Variants in UST observed in about 807,000 individuals in gnomAD.
UST encodes uronyl 2-sulfotransferase, also known as chondroitin sulfate 2-O-sulfotransferase.
UST carries 21 observed loss-of-function variants against 45.6 expected under a neutral mutation model. The ratio of observed to expected loss-of-function variants is 0.46; its 90% CI spans 0.33 to 0.66. The LOEUF is 0.66. Ranked by LOEUF, UST falls within the 30% of genes least tolerant of loss-of-function variation. UST has a pLI of 0.02. For synonymous variants in UST, 215 were observed against 200.6 expected (o/e 1.07, Z -0.61); for missense variants, 463 against 512.4 (o/e 0.90, Z 0.93).
intron 1 of UST, among the ~76,000 whole-genome samples, chr6:148,819,931 C>G (rs1309147480): frequency 6.6e-6 from 1 of 152,214 alleles, no homozygotes; most frequent in Non-Finnish European, 1.5e-5. Flanking sequence ...TACCCTTCAG[C>G]TTTTTCCACG....
intron 2 of UST, among the ~76,000 whole-genome samples, chr6:148,895,051 T>C (rs1315301091): frequency 3.3e-5 from 5 of 152,024 alleles, no homozygotes; most frequent in Non-Finnish European, 5.9e-5. Flanking sequence ...CTCTTGACCT[T>C]GTGATCCACC....
chr6:148,907,856 T>C (rs6570908), intron 2 of UST, among the ~76,000 whole-genome samples: 113,700 of 149,784 alleles, frequency 0.76, 43,814 homozygotes, highest in Non-Finnish European at 0.81. Context: ...ATAGATATTA[T>C]TTTAACAGCT....
chr6:148,884,330 G>A (rs117573040), intron 1 of UST, among the ~76,000 whole-genome samples: 2,731 of 152,252 alleles, frequency 0.018, 33 homozygotes, highest in Non-Finnish European at 0.027. Flanking sequence ...CAATGAACAG[G>A]TCACACAAGT....
Position 149,074,064 on chromosome 6 carries a change from A to G in UST, c.1169A>G (p.Asp390Gly). ...PTPLETEEPIDDEEQDDEKWL... is the reference protein window; with the variant it reads ...PTPLETEEPIGDEEQDDEKWL... ...CCACTGGAAACCGAGGAGCCAATCG[A>G]CGATGAAGAACAGGATGATGAAAAG... The change falls in exon 8 of 8, where the codon GAC (aspartate) becomes GGC (glycine). Residue 390 changes from aspartate (D) to glycine (G), a missense_variant. By Grantham distance (94) the Asp-to-Gly change is moderately conservative. Around this residue, in one of 2 missense-constraint regions of UST, gnomAD observed 287 missense variants for 374.2 expected, o/e 0.77. Coordinates refer to ENST00000367463, the MANE Select transcript of UST (RefSeq NM_005715.3). 6.2e-7 allele frequency: 1 copy of G among 1,614,240 alleles called. No homozygotes were observed. Among genetic ancestry groups the G allele is most frequent in the Non-Finnish European group, 8.5e-7 (1 of 1,180,028 alleles).
intron 1 of UST, among the ~76,000 whole-genome samples, chr6:148,848,251 G>T (rs1164141958): frequency 6.6e-6 from 1 of 152,216 alleles, no homozygotes; most frequent in African/African-American, 2.4e-5. Flanking sequence ...AGTCAAGGAA[G>T]ACAGCAGAGT....
At chr6:148,840,993 G>A (rs1378577476) in intron 1 of UST, among the ~76,000 whole-genome samples, 1 of 149,086 alleles carries the variant, frequency 6.7e-6, no homozygotes, top group Non-Finnish European at 1.5e-5. Flanking sequence ...TTCTTTGTGC[G>A]TGACCATCTC....
At chr6:148,833,687 A>G (rs1016630103) in intron 1 of UST, among the ~76,000 whole-genome samples, 2 of 152,202 alleles carry the variant, frequency 1.3e-5, no homozygotes, top group African/African-American at 4.8e-5. Context: ...AAATAGTGTC[A>G]CCTTTCCAAC....
chr6:148,833,308 C>T (rs770143181), intron 1 of UST, among the ~76,000 whole-genome samples: 4 of 152,030 alleles, frequency 2.6e-5, no homozygotes, highest in Non-Finnish European at 4.4e-5. Context: ...GGCAACACGG[C>T]GAAATCTGTC....
chr6:148,920,961 G>A (rs1005180197), intron 2 of UST, among the ~76,000 whole-genome samples: 2 of 152,196 alleles, frequency 1.3e-5, no homozygotes, highest in African/African-American at 2.4e-5. Context: ...CTCTACCAGC[G>A]AGTGTTATAG....
At chr6:149,017,726 G>A (rs904806497) in intron 5 of UST, among the ~76,000 whole-genome samples, 7 of 151,330 alleles carry the variant, frequency 4.6e-5, no homozygotes, top group South Asian at 2.1e-4. Context: ...CCAATCCCCC[G>A]TTCGTGAACA....
intron 5 of UST, among the ~76,000 whole-genome samples, 161 bp from the exon 6 acceptor site, chr6:149,018,978 G>A (rs1180417697): frequency 6.6e-6 from 1 of 152,110 alleles, no homozygotes; most frequent in Non-Finnish European, 1.5e-5. Context: ...GCAGGATGCT[G>A]GGAGGCAAAA....
At chr6:149,023,612 C>T (rs1776011186) in intron 7 of UST, among the ~76,000 whole-genome samples, 1 of 152,070 alleles carries the variant, frequency 6.6e-6, no homozygotes, top group Admixed American at 6.6e-5. Context: ...GAGGAGGAGC[C>T]AACGTGAGAG....
chr6:148,985,369 A>G (rs1781220113), intron 5 of UST, among the ~76,000 whole-genome samples: 1 of 148,454 alleles, frequency 6.7e-6, no homozygotes, highest in African/African-American at 2.5e-5. Context: ...TTTAGCACCA[A>G]CTGAGGACTT....
chr6:149,035,838 C>T (rs969053853), intron 7 of UST, among the ~76,000 whole-genome samples: 4 of 151,768 alleles, frequency 2.6e-5, no homozygotes, highest in Admixed American at 6.6e-5. Flanking sequence ...CAGTGGACCT[C>T]GCTTGAGGAT....
chr6:149,029,567 T>C (rs1776109681), intron 7 of UST, among the ~76,000 whole-genome samples: 1 of 150,414 alleles, frequency 6.6e-6, no homozygotes, highest in Non-Finnish European at 1.5e-5. Context: ...AAGCCTGAAT[T>C]AAACAAATTC....
intron 1 of UST, among the ~76,000 whole-genome samples, chr6:148,848,172 A>G (rs1375320214): frequency 6.6e-6 from 1 of 152,200 alleles, no homozygotes; most frequent in African/African-American, 2.4e-5. Flanking sequence ...AGCAAACAAA[A>G]TATTTTACTT....
At chr6:148,780,974 G>T (rs1776632706) in intron 1 of UST, among the ~76,000 whole-genome samples, 1 of 152,094 alleles carries the variant, frequency 6.6e-6, no homozygotes, top group Non-Finnish European at 1.5e-5. Context: ...GTGGTTCCCT[G>T]TCTCTCTTCC....
Position 148,750,870 on chromosome 6 carries a change from C to T in UST, c.247+3193C>T, listed in dbSNP as rs987953329. On this transcript the variant is annotated intron_variant, in intron 1 of 7. Coordinates refer to ENST00000367463, the MANE Select transcript of UST (RefSeq NM_005715.3). ...AACTGGGAGTAATGTTGGTCGGACT[C>T]GCATCTTCCGGGCGTTTTCTCTTTC... Among the ~76,000 whole-genome samples, 5 of 152,190 alleles carry T rather than the reference C, an allele frequency of 3.3e-5. No individual in the cohort carries two copies. In the East Asian group the frequency reaches 5.8e-4, roughly 18 times the overall value.
intron 1 of UST, among the ~76,000 whole-genome samples, chr6:148,755,644 CTTTTTTTTTTCTTTTT>C (rs995934769): frequency 7.2e-6 from 1 of 138,478 alleles, no homozygotes; most frequent in East Asian, 2.1e-4. Context: ...CTGATGGTTT[CTTTTTTTTTTCTTTTT>C]TTTTTTAATA....
Sources: allele counts gnomAD v4.1 joint callset (sites outside exome capture counted in the v4.1 genomes callset), GRCh38; gene constraint gnomAD v4.1.1; regional missense constraint gnomAD v4.1.1; transcripts MANE v1.5; gene names NCBI Gene and HGNC (gene_info 2026-07-23, HGNC 2026-07-21).